SPEG: variants seen among roughly 807,000 people sequenced by gnomAD.
SPEG encodes the protein striated muscle preferentially expressed protein kinase.
Under a neutral mutation model 300.4 loss-of-function variants are expected in SPEG, and 114 were observed. The ratio of observed to expected loss-of-function variants is 0.38; its 90% CI spans 0.33 to 0.44. The LOEUF (loss-of-function observed/expected upper bound fraction) is 0.44, where lower values mean the gene tolerates loss of function less well. Among genes scored for constraint, SPEG ranks in the 20% least tolerant of loss-of-function variants. The probability of loss-of-function intolerance (pLI) is 1.00; values close to 1 mark genes in which losing one functional copy is unlikely to be tolerated. For missense variants in SPEG, 4,201 were observed against 4,586.2 expected (o/e 0.92, Z 2.43); for synonymous variants, 1,964 against 2,018.9 (o/e 0.97, Z 0.73).
At position 219,473,237 on chromosome 2, in the gene SPEG, T is replaced by A; in HGVS notation, c.4147+141T>A. ...GCCGGGCGGGACCTTGGCCCATCTG[T>A]ACACTTCCTTCTCCCTCCTGAAAGC... On this transcript the variant is annotated intron_variant, in intron 16 of 40. Transcript: ENST00000312358. This position sits in a 1 kb window ranked among gnomAD's most constrained non-coding sequence, Gnocchi z 4.6. 2 of 845,100 alleles carry A rather than the reference T, an allele frequency of 2.4e-6. No individual in the cohort carries two copies. Among genetic ancestry groups the A allele is most frequent in the Non-Finnish European group, 3.6e-6 (2 of 548,598 alleles). The allele number at this position is 845,100 out of a possible 1,614,324, so 52.4% of individuals were successfully genotyped here.
intron 6 of SPEG, chr2:219,460,837 G>C (rs1690616232): frequency 3.0e-6 from 3 of 985,984 alleles, no homozygotes; most frequent in Non-Finnish European, 3.6e-6. Flanking sequence ...CCTCAGCTGG[G>C]TCAGCCGAGT....
At chr2:219,456,440 C>T (rs1228774067) in intron 6 of SPEG, among the ~76,000 whole-genome samples, 1 of 152,214 alleles carries the variant, frequency 6.6e-6, no homozygotes, top group African/African-American at 2.4e-5. Flanking sequence ...CCAAACTCAG[C>T]CCTTCCTCTA....
At position 219,477,857 on chromosome 2, in the gene SPEG, A is replaced by G; in HGVS notation, c.4827-48A>G. The G allele has an allele frequency of 6.2e-7, 1 of 1,601,654 alleles. No individual in the cohort carries two copies. The highest frequency in any genetic ancestry group is 1.1e-5 in the South Asian group (1 of 90,388). ...GGTCTGAGGGTTGGGAGGGGTGGAG[A>G]GGGCCACAGTGATGGCTGATCTCTG... On this transcript the variant is annotated intron_variant, in intron 21 of 40. Coordinates refer to ENST00000312358, the MANE Select transcript of SPEG (RefSeq NM_005876.5). The surrounding 1 kb of genome is among the most constrained non-coding windows in gnomAD (Gnocchi z 6.4).
Position 219,449,149 on chromosome 2 carries a change from C to T in SPEG, c.1991C>T (p.Pro664Leu), listed in dbSNP as rs1192706779. ...ACCTTGGAGAAGAACAGGGCGGGGC[C>T]TGAGGCAGAGAAGAGGCTTCGCAGA... ...PQTLEKNRAG[P>L]EAEKRLRRGP... Residue 664 changes from proline (P) to leucine (L), a missense_variant, in exon 4 of 41, where the codon CCT becomes CTT. Physicochemically the swap from Pro to Leu is moderately conservative, Grantham distance 98 (BLOSUM62 -3). Transcript: ENST00000312358. 6 of 1,431,120 alleles carry T rather than the reference C, an allele frequency of 4.2e-6. No individual in the cohort carries two copies. In the South Asian group the frequency reaches 9.0e-5, roughly 21 times the overall value. 88.7% of individuals were successfully genotyped at this position (1,431,120 alleles called of 1,614,324 possible).
chr2:219,440,974 G>T (rs1220796362), intron 1 of SPEG, among the ~76,000 whole-genome samples: 1 of 152,208 alleles, frequency 6.6e-6, no homozygotes, highest in East Asian at 1.9e-4. Flanking sequence ...AACCTGTATG[G>T]CTTTGACTAA....
At chr2:219,435,413 G>A in intron 1 of SPEG, 48 bp downstream of exon 1, 1 of 1,495,340 alleles carries the variant, frequency 6.7e-7, no homozygotes. Context: ...GGTGCTCAGA[G>A]GTAGAAAAGG....
At chr2:219,472,426 TGG>T in intron 15 of SPEG, 95 bp downstream of exon 15, 1 of 1,085,878 alleles carries the variant, frequency 9.2e-7, no homozygotes, top group African/African-American at 1.5e-5. Flanking sequence ...CAGAAGCGGA[TGG>T]GCAGGGGCAG....
chr2:219,474,075 A>G, intron 18 of SPEG, 172 bp downstream of exon 18: 2 of 664,466 alleles, frequency 3.0e-6, no homozygotes, highest in Admixed American at 3.0e-5. Flanking sequence ...AATGACAACA[A>G]TCATACTAAC....
At chr2:219,491,041 A>C in intron 38 of SPEG, 85 bp downstream of exon 38, 1 of 974,712 alleles carries the variant, frequency 1.0e-6, no homozygotes, top group Non-Finnish European at 1.6e-6. Context: ...TCACTTACAT[A>C]TGTGCCACTT....
intron 39 of SPEG, 116 bp from the exon 40 acceptor site, chr2:219,491,995 C>T: frequency 2.2e-6 from 3 of 1,354,148 alleles, no homozygotes; most frequent in Non-Finnish European, 3.1e-6. Flanking sequence ...TGCACACTCA[C>T]ACTCAGGTGC....
At position 219,483,729 on chromosome 2, in the gene SPEG, GT is replaced by G; in HGVS notation, c.6267del (p.Leu2091CysfsTer148). The G allele has an allele frequency of 6.5e-7, 1 of 1,536,442 alleles. No individual in the cohort carries two copies. Among genetic ancestry groups the G allele is most frequent in the Non-Finnish European group, 8.7e-7 (1 of 1,147,884 alleles). On this transcript the variant is annotated frameshift_variant, in exon 30 of 41. Transcript: ENST00000312358. LOFTEE classifies it high-confidence loss of function. ...PEDGKVSGLR[G>X]PLLESLGGRA... The stretch of plus-strand genomic sequence containing the variant: ...GATGGCAAGGTCAGCGGCCTCAGGG[GT>G]CCCCTGCTGGAGAGCCTGGGGGGCC...
At position 219,482,855 on chromosome 2, in the gene SPEG, A is replaced by G. The variant is rs757634975; in HGVS notation, c.5634+3A>G. On this transcript the variant is annotated splice_donor_region_variant and intron_variant, in intron 29 of 40. Coordinates refer to ENST00000312358, the MANE Select transcript of SPEG (RefSeq NM_005876.5). ...TCCTCTCCCGGCGGAGGTGGCAGGT[A>G]AGTGTGGCAGGCCAGCCTCTGTGCT... 6 of 1,613,342 alleles carry G rather than the reference A, an allele frequency of 3.7e-6. No homozygotes were observed. The highest frequency in any genetic ancestry group is 3.3e-4 in the Middle Eastern group (2 of 6,080).
Position 219,443,853 on chromosome 2 carries a change from G to C in SPEG, c.389-800G>C. On this transcript the variant is annotated intron_variant, in intron 1 of 40. Transcript: ENST00000312358. The surrounding 1 kb of genome is among the most constrained non-coding windows in gnomAD (Gnocchi z 4.6). ...TGGAATAACAAGCCCAAGTATGGGG[G>C]TCCCCAGTGCTGGGCACATCCCAGG... is the stretch of plus-strand genomic sequence containing the variant. 3 of 429,718 alleles carry C rather than the reference G, an allele frequency of 7.0e-6. No homozygotes were observed. Among genetic ancestry groups the C allele is most frequent in the Non-Finnish European group, 1.3e-5 (3 of 222,270 alleles). The allele number at this position is 429,718 out of a possible 1,614,324, so 26.6% of individuals were successfully genotyped here.
rs747861120 is a variant in SPEG, at chr2:219,473,499, C to A, written c.4148-5C>A. On this transcript the variant is annotated splice_polypyrimidine_tract_variant and splice_region_variant and intron_variant, in intron 16 of 40. Transcript: ENST00000312358. The surrounding 1 kb of genome is among the most constrained non-coding windows in gnomAD (Gnocchi z 4.6). ...AGCACAGAGCCTGCGCTCTCCTCCT[C>A]CCAGGCCCAACCCTGGAGGAGGCCC... 9 of 1,613,666 alleles carry A rather than the reference C, an allele frequency of 5.6e-6. No homozygotes were observed. Among genetic ancestry groups the A allele is most frequent in the African/African-American group, 1.3e-5 (1 of 74,950 alleles).
intron 9 of SPEG, chr2:219,465,940 C>T (rs753535676): frequency 6.4e-5 from 44 of 683,600 alleles, no homozygotes; most frequent in East Asian, 2.2e-4. Flanking sequence ...TGTGCGTGCA[C>T]GTGTGCGTGC....
intron 22 of SPEG, 83 bp downstream of exon 22, chr2:219,478,188 C>A: frequency 7.9e-7 from 1 of 1,258,348 alleles, no homozygotes; most frequent in Non-Finnish European, 1.1e-6. Context: ...ACATGTTTTA[C>A]AGTTTACAAA....
Position 219,435,319 on chromosome 2 carries a change from G to C in SPEG, c.342G>C (p.Arg114=). ...ACAGCTGCATGGCCCAGAACGAGCG[G>C]GGCCGGGCCTCCTGCGAGGCGGTGC... ...GVYSCMAQNE[R]GRASCEAVLT... is the part of the protein sequence containing the mutation. Residue 114 remains arginine (R), a synonymous_variant, in exon 1 of 41, where the codon CGG becomes CGC. Transcript: ENST00000312358. The C allele has an allele frequency of 6.5e-7, 1 of 1,536,860 alleles. No homozygotes were observed. The highest frequency in any genetic ancestry group is 8.7e-7 in the Non-Finnish European group (1 of 1,148,892).
intron 39 of SPEG, 107 bp from the exon 40 acceptor site, chr2:219,492,004 G>A: frequency 7.2e-7 from 1 of 1,397,944 alleles, no homozygotes; most frequent in Admixed American, 1.9e-5. Context: ...ACACTCAGGT[G>A]CACAGTAGCA....
chr2:219,480,355 A>C lies in SPEG; in HGVS notation c.5342+215A>C. On this transcript the variant is annotated intron_variant, in intron 25 of 40. Coordinates refer to ENST00000312358, the MANE Select transcript of SPEG (RefSeq NM_005876.5). The surrounding 1 kb of genome is among the most constrained non-coding windows in gnomAD (Gnocchi z 5.3). ...AAGGCCTCAGCCCTGTTAGTCCTTG[A>C]CTCCTTGTCTCCCCTGGAAGCCGGG... Among the ~76,000 whole-genome samples the C allele has an allele frequency of 6.6e-6, 1 of 151,490 alleles. No homozygotes were observed. The highest frequency in any genetic ancestry group is 1.5e-5 in the Non-Finnish European group (1 of 67,822).
Sources: allele counts gnomAD v4.1 joint callset (sites outside exome capture counted in the v4.1 genomes callset), GRCh38; gene constraint gnomAD v4.1.1; non-coding constraint Gnocchi (gnomAD v3.1); transcripts MANE v1.5; gene names NCBI Gene and HGNC (gene_info 2026-07-23, HGNC 2026-07-21).